The following SEMA6A variants were observed in gnomAD, a reference collection of about 807,000 sequenced individuals.
The protein encoded by SEMA6A is semaphorin-6A.
SEMA6A carries 25 observed loss-of-function variants against 96.8 expected under a neutral mutation model. The ratio of observed to expected loss-of-function variants is 0.26; its 90% CI spans 0.19 to 0.36. SEMA6A has a LOEUF of 0.36. Ranked by LOEUF, SEMA6A falls within the 10% of genes least tolerant of loss-of-function variation. The pLI, the probability that SEMA6A is intolerant of heterozygous loss-of-function variation, is 1.00. For missense variants in SEMA6A, 1,363 were observed against 1,323.1 expected (o/e 1.03, Z -0.47); for synonymous variants, 612 against 518.0 (o/e 1.18, Z -2.46).
At chr5:116,513,026 G>T (rs1273604962) in intron 1 of SEMA6A, among the ~76,000 whole-genome samples, 1 of 152,112 alleles carries the variant, frequency 6.6e-6, no homozygotes, top group Non-Finnish European at 1.5e-5. Flanking sequence ...GTACAAGGTA[G>T]GTGTATATAT....
intron 3 of SEMA6A, among the ~76,000 whole-genome samples, chr5:116,498,203 G>A (rs1757696861): frequency 6.6e-6 from 1 of 152,066 alleles, no homozygotes; most frequent in African/African-American, 2.4e-5. Flanking sequence ...GGAGATGGGG[G>A]GCTACTGAGG....
At chr5:116,449,217 G>A (rs1181144693) in intron 18 of SEMA6A, 2 of 666,662 alleles carry the variant, frequency 3.0e-6, no homozygotes, top group Non-Finnish European at 5.4e-6. Context: ...TCCTGCCTCT[G>A]GAGAGTGAAA....
At chr5:116,504,182 GTAA>G (rs1229581343) in intron 2 of SEMA6A, among the ~76,000 whole-genome samples, 2 of 152,038 alleles carry the variant, frequency 1.3e-5, no homozygotes, top group Non-Finnish European at 2.9e-5. Context: ...CATTTTTACT[GTAA>G]TAAAATACTT....
chr5:116,547,777 G>T (rs1487601184), intron 1 of SEMA6A, among the ~76,000 whole-genome samples: 1 of 141,284 alleles, frequency 7.1e-6, no homozygotes, highest in Non-Finnish European at 1.5e-5. Flanking sequence ...GATCCCCTGA[G>T]TCAACACCCG....
intron 17 of SEMA6A, chr5:116,471,219 A>G (rs536215220): frequency 8.7e-4 from 132 of 152,336 alleles, no homozygotes; most frequent in African/African-American, 2.9e-3. Flanking sequence ...ATGAATGAGC[A>G]TCATCCCTTA....
intron 1 of SEMA6A, among the ~76,000 whole-genome samples, chr5:116,525,662 A>G (rs192065036): frequency 6.6e-6 from 1 of 152,282 alleles, no homozygotes; most frequent in East Asian, 1.9e-4. Flanking sequence ...TTTAACCAAA[A>G]TTTTGTGGAA....
At chr5:116,547,741 A>G (rs1347791778) in intron 1 of SEMA6A, among the ~76,000 whole-genome samples, 9 of 148,824 alleles carry the variant, frequency 6.0e-5, no homozygotes, top group Non-Finnish European at 1.2e-4. Context: ...ACTTAAAAAA[A>G]AAAAAAAAAA....
chr5:116,507,307 G>A (rs1265856662), intron 1 of SEMA6A, among the ~76,000 whole-genome samples: 1 of 152,178 alleles, frequency 6.6e-6, no homozygotes, highest in Non-Finnish European at 1.5e-5. Flanking sequence ...AAGTTTTGAT[G>A]TATTATTCCC....
Position 116,448,755 on chromosome 5 carries a change from CAAAAAAAAA to C in SEMA6A, c.1895-953_1895-945del, listed in dbSNP as rs3984966. 3.8e-5 allele frequency among the ~76,000 whole-genome samples: 4 copies of C among 106,544 alleles called. No individual in the cohort carries two copies. In the East Asian group the frequency reaches 1.1e-3, roughly 29 times the overall value. 69.9% of individuals were successfully genotyped at this position (106,544 alleles called of 152,430 possible). A position where few individuals can be genotyped will look rare whatever the true frequency, so the allele number is the denominator to read the frequency against. On this transcript the variant is annotated intron_variant, in intron 18 of 18. Coordinates refer to ENST00000343348, the MANE Select transcript of SEMA6A (RefSeq NM_020796.5). ...TTTGTGCTGATTTTGCATCACCTCT[CAAAAAAAAA>C]AAAAAAAAAAAACAGTGCAAACTCA...
Position 116,444,564 on chromosome 5 carries a change from A to G in SEMA6A, c.*2049T>C, listed in dbSNP as rs1754071460. 1.3e-5 allele frequency: 2 copies of G among 152,670 alleles called. No individual in the cohort carries two copies. Among genetic ancestry groups the G allele is most frequent in the African/African-American group, 4.8e-5 (2 of 41,468 alleles). The allele number at this position is 152,670 out of a possible 1,614,324, so 9.5% of individuals were successfully genotyped here. On this transcript the variant is annotated 3_prime_UTR_variant, in exon 19 of 19. Transcript: ENST00000343348. ...TATGTGGACAGTTCCTTTGTTCATG[A>G]TAGAGTAAACAAAAGTCCCTTTTGT...
Position 116,446,914 on chromosome 5 carries a change from G to T in SEMA6A, c.2792C>A (p.Ala931Asp). ...PTNSLTRSHQ[A>D]TTLKRNNTNS... The stretch of plus-strand genomic sequence containing the variant: ...AGTGTTGTTTCTTTTGAGAGTGGTG[G>T]CCTGGTGGCTTCTCGTGAGCGAGTT... Residue 931 changes from alanine (A) to aspartate (D), a missense_variant, in exon 19 of 19, where the codon GCC (alanine) becomes GAC (aspartate). By Grantham distance (126) the Ala-to-Asp change is moderately radical. Around this residue, in one of 2 missense-constraint regions of SEMA6A, gnomAD observed 883 missense variants for 763.6 expected, o/e 1.16. Transcript: ENST00000343348. The T allele has an allele frequency of 1.2e-6, 2 of 1,613,988 alleles. No homozygotes were observed. The highest frequency in any genetic ancestry group is 1.3e-5 in the African/African-American group (1 of 75,032).
intron 1 of SEMA6A, among the ~76,000 whole-genome samples, chr5:116,507,623 A>G (rs1758208276): frequency 6.6e-6 from 1 of 152,240 alleles, no homozygotes; most frequent in African/African-American, 2.4e-5. Context: ...GCATATTTAT[A>G]GGTATCTGCA....
intron 15 of SEMA6A, 150 bp downstream of exon 15, chr5:116,477,696 G>T: frequency 1.4e-6 from 1 of 721,840 alleles, no homozygotes. Flanking sequence ...TCTATGAAAT[G>T]GGAAAGGGTA....
chr5:116,570,980 A>G (rs1453124012), intron 1 of SEMA6A, among the ~76,000 whole-genome samples: 1 of 152,174 alleles, frequency 6.6e-6, no homozygotes, highest in Admixed American at 6.5e-5. Context: ...TCAAAATACA[A>G]CTGCTATATG....
At chr5:116,573,287 C>T (rs1327157693) in intron 1 of SEMA6A, among the ~76,000 whole-genome samples, 1 of 152,162 alleles carries the variant, frequency 6.6e-6, no homozygotes, top group Non-Finnish European at 1.5e-5. Flanking sequence ...TCTGCCAGGT[C>T]TCTCACCCTT....
chr5:116,492,427 AG>A (rs1417025017), intron 6 of SEMA6A: 1 of 152,288 alleles, frequency 6.6e-6, no homozygotes, highest in Non-Finnish European at 1.5e-5. Flanking sequence ...CCTCTTTCCA[AG>A]AAGTGAAAAC....
In SEMA6A at chr5:116,446,947, T is replaced by C. The variant is rs1754254865; in HGVS notation, c.2759A>G (p.Tyr920Cys). The change falls in exon 19 of 19, where the codon TAC (tyrosine) becomes TGC (cysteine). Residue 920 changes from tyrosine (Y) to cysteine (C), a missense_variant. By Grantham distance (194) the Tyr-to-Cys change is radical. Coordinates refer to ENST00000343348, the MANE Select transcript of SEMA6A (RefSeq NM_020796.5). ...SSYGVDYKRS[Y>C]PTNSLTRSHQ... ...GCTTCTCGTGAGCGAGTTCGTGGGGTAGCTCCTCTTATAGTCAACCCCGTA... is the reference window on the plus strand; with the variant it reads ...GCTTCTCGTGAGCGAGTTCGTGGGGCAGCTCCTCTTATAGTCAACCCCGTA... 1.2e-6 allele frequency: 2 copies of C among 1,613,852 alleles called. No homozygotes were observed. Among genetic ancestry groups the C allele is most frequent in the East Asian group, 2.2e-5 (1 of 44,842 alleles).
chr5:116,450,010 C>A (rs1013604931), intron 18 of SEMA6A: 1 of 152,192 alleles, frequency 6.6e-6, no homozygotes, highest in African/African-American at 2.4e-5. Context: ...ACCTATTCAC[C>A]AAGGAAATGT....
chr5:116,572,223 G>C (rs1296933703), intron 1 of SEMA6A, among the ~76,000 whole-genome samples: 1 of 152,226 alleles, frequency 6.6e-6, no homozygotes, highest in Non-Finnish European at 1.5e-5. Flanking sequence ...ACAAGGGCGA[G>C]TGTGTGCGTG....
Sources: allele counts gnomAD v4.1 joint callset (sites outside exome capture counted in the v4.1 genomes callset), GRCh38; gene constraint gnomAD v4.1.1; regional missense constraint gnomAD v4.1.1; transcripts MANE v1.5; gene names NCBI Gene and HGNC (gene_info 2026-07-23, HGNC 2026-07-21).